The following APBA2 variants were observed in gnomAD, a reference collection of about 807,000 sequenced individuals.
APBA2 encodes amyloid-beta A4 precursor protein-binding family A member 2.
A neutral mutation model predicts 75.0 loss-of-function variants in APBA2; 30 were observed. The ratio of observed to expected loss-of-function variants is 0.40; its 90% CI spans 0.30 to 0.54. The LOEUF is 0.54. Among genes scored for constraint, APBA2 ranks in the 20% least tolerant of loss-of-function variants. APBA2 has a pLI of 0.49. For missense variants in APBA2, 801 were observed against 1,016.1 expected (o/e 0.79, Z 2.88); for synonymous variants, 444 against 409.6 (o/e 1.08, Z -1.01).
At chr15:28,996,891 A>G (rs377029118) in intron 3 of APBA2, among the ~76,000 whole-genome samples, 2 of 152,164 alleles carry the variant, frequency 1.3e-5, no homozygotes, top group African/African-American at 4.8e-5. Flanking sequence ...TCTCTGTGCC[A>G]GTTGTGAGGG....
chr15:28,989,764 T>A (rs2038122072), intron 2 of APBA2, among the ~76,000 whole-genome samples: 2 of 152,172 alleles, frequency 1.3e-5, no homozygotes, highest in Non-Finnish European at 2.9e-5. Context: ...ACCCTCTGCT[T>A]GTCTCCGCAC....
chr15:29,067,173 C>T (rs1425174251), intron 4 of APBA2, among the ~76,000 whole-genome samples: 1 of 152,148 alleles, frequency 6.6e-6, no homozygotes, highest in East Asian at 1.9e-4. Context: ...AAAGATTCAC[C>T]CCATGATCCA....
At chr15:28,968,149 G>T (rs1008661612) in intron 2 of APBA2, among the ~76,000 whole-genome samples, 3 of 152,338 alleles carry the variant, frequency 2.0e-5, no homozygotes, top group East Asian at 1.9e-4. Flanking sequence ...ATACTCCACC[G>T]TATGTGTAGA....
chr15:29,039,553 G>A (rs1325395280), intron 3 of APBA2, among the ~76,000 whole-genome samples: 1 of 152,122 alleles, frequency 6.6e-6, no homozygotes, highest in African/African-American at 2.4e-5. Context: ...TCATGGAGCT[G>A]GGGCAGGATC....
chr15:29,077,945 T>C (rs1189316277), intron 6 of APBA2, among the ~76,000 whole-genome samples: 1 of 152,220 alleles, frequency 6.6e-6, no homozygotes, highest in Admixed American at 6.5e-5. Flanking sequence ...TGAATGCCTT[T>C]GGGTACAAGT....
intron 3 of APBA2, among the ~76,000 whole-genome samples, chr15:29,038,088 C>G (rs1326464726): frequency 6.6e-6 from 1 of 152,224 alleles, no homozygotes; most frequent in Non-Finnish European, 1.5e-5. Context: ...TGGCTGGCAC[C>G]TCTGGTTTTG....
At position 29,054,873 on chromosome 15, in the gene APBA2, G is replaced by C; in HGVS notation, c.951+38G>C. 6.4e-7 allele frequency: 1 copy of C among 1,571,166 alleles called. No homozygotes were observed. On this transcript the variant is annotated intron_variant, in intron 4 of 14. Coordinates refer to ENST00000683413, the MANE Select transcript of APBA2 (RefSeq NM_001353788.2). This position sits in a 1 kb window ranked among gnomAD's most constrained non-coding sequence, Gnocchi z 6.1. Reference sequence around the variant, plus strand: ...CTGTCCTGGGGAAGGGAGCAGAGGGGCCCGAGAGCAAGGGACCTCAGGGTA... The same window carrying C: ...CTGTCCTGGGGAAGGGAGCAGAGGGCCCCGAGAGCAAGGGACCTCAGGGTA...
intron 1 of APBA2, among the ~76,000 whole-genome samples, chr15:28,887,718 AT>A (rs1448231638): frequency 6.6e-6 from 1 of 152,058 alleles, no homozygotes; most frequent in African/African-American, 2.4e-5. Flanking sequence ...GCTCCAGGCA[AT>A]GTCCAGGGCG....
chr15:28,990,659 C>G (rs1277909511), intron 2 of APBA2: 1 of 152,138 alleles, frequency 6.6e-6, no homozygotes, highest in Admixed American at 6.5e-5. Flanking sequence ...GCCCTGTGGT[C>G]TCCTTGAAAG....
intron 13 of APBA2, among the ~76,000 whole-genome samples, chr15:29,110,208 C>T (rs979586485): frequency 1.3e-5 from 2 of 152,240 alleles, no homozygotes; most frequent in South Asian, 2.1e-4. Flanking sequence ...TGCCTGTGTG[C>T]CTCCCACCCC....
chr15:28,951,865 GC>G (rs60825421), intron 2 of APBA2, among the ~76,000 whole-genome samples: 142,768 of 142,772 alleles, frequency 1, 71,382 homozygotes, highest in Non-Finnish European at 1. Flanking sequence ...ACAGGCGTGA[GC>G]CCACTGCACT....
chr15:29,114,873 G>A (rs2044984236), intron 14 of APBA2, among the ~76,000 whole-genome samples: 1 of 119,294 alleles, frequency 8.4e-6, no homozygotes, highest in African/African-American at 2.5e-5. Flanking sequence ...GTGGGTGTGT[G>A]CAGGGGTGTG....
intron 13 of APBA2, 23 bp downstream of exon 13, chr15:29,108,412 G>A (rs776226363): frequency 1.9e-6 from 3 of 1,613,772 alleles, no homozygotes; most frequent in African/African-American, 1.3e-5. Context: ...TCCTGCTCTG[G>A]GCCACCACCA....
chr15:29,053,472 T>A (rs2152887134), intron 3 of APBA2, among the ~76,000 whole-genome samples: 1 of 152,290 alleles, frequency 6.6e-6, no homozygotes, highest in East Asian at 1.9e-4. Flanking sequence ...TAATGAAAGC[T>A]GCTCATTTTC....
At chr15:29,056,114 A>G (rs2041874794) in intron 4 of APBA2, among the ~76,000 whole-genome samples, 1 of 152,220 alleles carries the variant, frequency 6.6e-6, no homozygotes, top group Non-Finnish European at 1.5e-5. Flanking sequence ...TTATTGTGAC[A>G]AATGGCATCG....
intron 1 of APBA2, among the ~76,000 whole-genome samples, chr15:28,915,948 CCCA>C (rs1287541575): frequency 1.8e-4 from 28 of 152,212 alleles, no homozygotes; most frequent in East Asian, 9.6e-4. Context: ...ACACTCACTA[CCCA>C]CCACATCACA....
intron 3 of APBA2, among the ~76,000 whole-genome samples, chr15:29,053,202 C>G (rs1411075678): frequency 6.6e-6 from 1 of 152,296 alleles, no homozygotes; most frequent in East Asian, 1.9e-4. Flanking sequence ...CTCCCCATGG[C>G]CGAGCAGTGC....
intron 1 of APBA2, among the ~76,000 whole-genome samples, chr15:28,904,210 T>G (rs922500378): frequency 4.6e-5 from 7 of 152,110 alleles, no homozygotes; most frequent in African/African-American, 1.7e-4. Flanking sequence ...CCGGGGGCCC[T>G]CCTGTTGTTT....
At chr15:28,920,010 T>C (rs1165501274) in intron 1 of APBA2, among the ~76,000 whole-genome samples, 1 of 152,166 alleles carries the variant, frequency 6.6e-6, no homozygotes, top group East Asian at 1.9e-4. Flanking sequence ...GCATTTGCTT[T>C]CATTTATCTT....
Sources: gnomAD v4.1 joint callset for allele counts (sites outside exome capture counted in the v4.1 genomes callset) on GRCh38, gnomAD v4.1.1 for gene constraint, Gnocchi (gnomAD v3.1) non-coding constraint, MANE v1.5 for transcripts, NCBI Gene and HGNC (gene_info 2026-07-23, HGNC 2026-07-21) for gene names.